Variants in AGK observed in about 807,000 individuals in gnomAD.
AGK encodes acylglycerol kinase, also known as acylglycerol kinase, mitochondrial.
Under a neutral mutation model 66.4 loss-of-function variants are expected in AGK, and 52 were observed. The observed-to-expected ratio is 0.78, with a 90% CI of 0.63 to 0.99. The LOEUF is 0.99. Ranked by LOEUF, AGK falls within the 50% of genes least tolerant of loss-of-function variation. The pLI is 0.00. For synonymous variants in AGK, 182 were observed against 181.1 expected, an observed-to-expected ratio of 1.00 and a Z score of -0.04; for missense variants, 451 against 506.6, an observed-to-expected ratio of 0.89 and a Z score of 1.05.
At chr7:141,553,826 T>C (rs1282611438) in intron 1 of AGK, among the ~76,000 whole-genome samples, 2 of 152,062 alleles carry the variant, frequency 1.3e-5, no homozygotes. Context: ...TTTTAACCAA[T>C]GGGATTTAAA....
rs145885230 is a variant in AGK, at chr7:141,653,331, T to G, written c.*407T>G. ...AAAGTGCATTCCTGCCCTGGTGACC[T>G]TTTCCTATGTCTAGGCTCCTCCACA... On this transcript the variant is annotated 3_prime_UTR_variant, in exon 16 of 16. Transcript: ENST00000649286. The G allele has an allele frequency of 5.9e-6, 1 of 170,422 alleles. No individual in the cohort carries two copies. The highest frequency in any genetic ancestry group is 1.3e-5 in the Non-Finnish European group (1 of 78,132). 10.6% of individuals were successfully genotyped at this position (170,422 alleles called of 1,614,324 possible).
chr7:141,586,130 TG>T (rs1383940769), intron 2 of AGK, among the ~76,000 whole-genome samples: 1 of 152,196 alleles, frequency 6.6e-6, no homozygotes, highest in African/African-American at 2.4e-5. Context: ...CCACTTCTTG[TG>T]GTGCTTGTGG....
intron 6 of AGK, 150 bp from the exon 7 acceptor site, chr7:141,613,996 C>T (rs1587129126): frequency 1.7e-6 from 1 of 571,824 alleles, no homozygotes; most frequent in Non-Finnish European, 3.1e-6. Context: ...TTGGAGAATA[C>T]TATATGTTTT....
chr7:141,607,298 A>C (rs1340275618), intron 5 of AGK, among the ~76,000 whole-genome samples: 1 of 152,144 alleles, frequency 6.6e-6, no homozygotes, highest in Non-Finnish European at 1.5e-5. Context: ...CTTGTTCCAT[A>C]TCCTCGTCAG....
chr7:141,651,391 A>G, intron 14 of AGK, 134 bp from the exon 15 acceptor site: 2 of 707,316 alleles, frequency 2.8e-6, no homozygotes, highest in Non-Finnish European at 5.0e-6. Context: ...AATTATTTAC[A>G]GAATTCTATG....
intron 11 of AGK, among the ~76,000 whole-genome samples, chr7:141,639,153 G>C (rs1797234075): frequency 6.6e-6 from 1 of 152,174 alleles, no homozygotes; most frequent in African/African-American, 2.4e-5. Context: ...ACAGACAAGA[G>C]AGTATCCATC....
chr7:141,563,866 A>C (rs559509395), intron 2 of AGK, among the ~76,000 whole-genome samples: 136 of 152,216 alleles, frequency 8.9e-4, no homozygotes, highest in African/African-American at 3.2e-3. Flanking sequence ...CCTTGATCCA[A>C]CACATCATAC....
chr7:141,592,765 A>G (rs940938356), intron 2 of AGK, among the ~76,000 whole-genome samples: 1 of 151,862 alleles, frequency 6.6e-6, no homozygotes, highest in Admixed American at 6.6e-5. Context: ...GTGCAATGGC[A>G]TGATCTCAGC....
chr7:141,577,047 T>TA (rs907190299), intron 2 of AGK, among the ~76,000 whole-genome samples: 8 of 151,148 alleles, frequency 5.3e-5, no homozygotes, highest in South Asian at 4.2e-4. Flanking sequence ...CTCAAAAAAA[T>TA]AAAAAAAATA....
In AGK at chr7:141,653,106, A is replaced by G. The variant is rs1797605169; in HGVS notation, c.*182A>G. The G allele has an allele frequency of 6.4e-6, 4 of 623,602 alleles. No individual in the cohort carries two copies. The highest frequency in any genetic ancestry group is 3.7e-5 in the African/African-American group (2 of 54,326). 38.6% of individuals were successfully genotyped at this position (623,602 alleles called of 1,614,324 possible). A position where few individuals can be genotyped will look rare whatever the true frequency, so the allele number is the denominator to read the frequency against. On this transcript the variant is annotated 3_prime_UTR_variant, in exon 16 of 16. Transcript: ENST00000649286. ...AGTGTGCTCTGTCACCTGCTTTGCA[A>G]TCGGCTTCCATTAGCGCATGTTTTA...
intron 1 of AGK, among the ~76,000 whole-genome samples, chr7:141,551,646 G>A (rs1795087349): frequency 6.6e-6 from 1 of 152,186 alleles, no homozygotes; most frequent in Admixed American, 6.5e-5. Flanking sequence ...GGCCGGCGCG[G>A]CAGGGGAGGG....
chr7:141,646,041 T>G (rs569541306), intron 13 of AGK, among the ~76,000 whole-genome samples: 1 of 152,202 alleles, frequency 6.6e-6, no homozygotes, highest in African/African-American at 2.4e-5. Context: ...CCGAGGTGAC[T>G]GCTGGAGAGA....
chr7:141,591,359 C>G (rs975061046), intron 2 of AGK, among the ~76,000 whole-genome samples: 1 of 152,082 alleles, frequency 6.6e-6, no homozygotes, highest in Non-Finnish European at 1.5e-5. Context: ...TCCCAAAGTG[C>G]TAAGATTACA....
intron 5 of AGK, among the ~76,000 whole-genome samples, chr7:141,602,211 G>GTA (rs1562969925): frequency 6.6e-6 from 1 of 151,022 alleles, no homozygotes; most frequent in African/African-American, 2.4e-5. Context: ...GTGTGTGTGT[G>GTA]TATGTAGAGA....
chr7:141,651,570 G>A lies in AGK; in HGVS notation c.1092G>A (p.Glu364=). The A allele has an allele frequency of 2.5e-6, 4 of 1,614,248 alleles. No individual in the cohort carries two copies. The highest frequency in any genetic ancestry group is 2.5e-6 in the Non-Finnish European group (3 of 1,180,050). ...CCAAGCTGCACGTGGAGGGCACGGA[G>A]TGTCTCCAAGCCAGCCAGTGCACTT... ...RNPKLHVEGT[E]CLQASQCTLL... is the part of the protein sequence containing the mutation. Residue 364 remains glutamate (E), a synonymous_variant, in exon 15 of 16, where the codon GAG becomes GAA. Transcript: ENST00000649286.
chr7:141,554,511 TA>T (rs1013408400), intron 1 of AGK, among the ~76,000 whole-genome samples: 4 of 152,216 alleles, frequency 2.6e-5, no homozygotes, highest in African/African-American at 9.6e-5. Context: ...AAATTTTGGG[TA>T]AAAAAATATT....
At chr7:141,645,863 G>A (rs561593342) in intron 13 of AGK, among the ~76,000 whole-genome samples, 1 of 152,252 alleles carries the variant, frequency 6.6e-6, no homozygotes, top group East Asian at 1.9e-4. Context: ...ATGTTAATGT[G>A]AGACTTTTGG....
intron 12 of AGK, 114 bp downstream of exon 12, chr7:141,641,512 G>T (rs934839697): frequency 1.6e-6 from 2 of 1,226,992 alleles, no homozygotes; most frequent in African/African-American, 3.0e-5. Flanking sequence ...AGCCTCTCAG[G>T]GATCACTGAA....
At chr7:141,578,268 G>A (rs543378409) in intron 2 of AGK, among the ~76,000 whole-genome samples, 1 of 151,924 alleles carries the variant, frequency 6.6e-6, no homozygotes, top group South Asian at 2.1e-4. Flanking sequence ...CTGGCTGGCA[G>A]GGGTGGGGGT....
Sources: allele counts gnomAD v4.1 joint callset (sites outside exome capture counted in the v4.1 genomes callset), GRCh38; gene constraint gnomAD v4.1.1; transcripts MANE v1.5; gene names NCBI Gene and HGNC (gene_info 2026-07-23, HGNC 2026-07-21).